NAV2: variants seen among roughly 807,000 people sequenced by gnomAD.
The protein encoded by NAV2 is helicase, APC down-regulated 1.
Under a neutral mutation model 223.2 loss-of-function variants are expected in NAV2, and 54 were observed. That is an observed-to-expected ratio of 0.24 (90% confidence interval 0.19 to 0.30). The LOEUF is 0.30. NAV2 is among the 10% of genes least tolerant of loss of function. The probability of loss-of-function intolerance (pLI) is 1.00; values close to 1 mark genes in which losing one functional copy is unlikely to be tolerated. For synonymous variants in NAV2, 1,279 were observed against 1,239.3 expected (o/e 1.03, Z -0.67); for missense variants, 2,806 against 3,147.5 (o/e 0.89, Z 2.60).
intron 1 of NAV2, among the ~76,000 whole-genome samples, chr11:19,801,824 G>C (rs928399258): frequency 3.9e-5 from 6 of 152,198 alleles, no homozygotes; most frequent in Non-Finnish European, 8.8e-5. Context: ...GAGGACAATA[G>C]TCTTGAACTC....
intron 1 of NAV2, among the ~76,000 whole-genome samples, chr11:19,495,703 A>C (rs1564985955): frequency 6.6e-6 from 1 of 152,194 alleles, no homozygotes; most frequent in Non-Finnish European, 1.5e-5. Flanking sequence ...ATAAACAAAA[A>C]AATTACATAT....
chr11:19,621,380 G>T (rs984295182), intron 1 of NAV2, among the ~76,000 whole-genome samples: 3 of 152,116 alleles, frequency 2.0e-5, no homozygotes, highest in Admixed American at 6.5e-5. Context: ...GAATCCGTCT[G>T]GTCCTGGACT....
chr11:20,077,513 T>C, intron 22 of NAV2, 39 bp from the exon 23 acceptor site: 1 of 1,514,346 alleles, frequency 6.6e-7, no homozygotes, highest in Non-Finnish European at 9.2e-7. Context: ...ACTCTTGCCT[T>C]GCAAGGTAAT....
intron 1 of NAV2, among the ~76,000 whole-genome samples, chr11:19,554,019 C>CA (rs1056608187): frequency 2.0e-5 from 3 of 152,224 alleles, no homozygotes; most frequent in African/African-American, 7.2e-5. Context: ...GAGAAGGGGA[C>CA]AGAGCATTTC....
intron 1 of NAV2, among the ~76,000 whole-genome samples, chr11:19,367,291 G>A (rs897224902): frequency 6.6e-6 from 1 of 152,158 alleles, no homozygotes; most frequent in African/African-American, 2.4e-5. Context: ...CTTACCCACT[G>A]GGTTGGGAGC....
At chr11:19,568,914 G>A (rs187235067) in intron 1 of NAV2, among the ~76,000 whole-genome samples, 6 of 152,222 alleles carry the variant, frequency 3.9e-5, no homozygotes, top group Admixed American at 6.5e-5. Flanking sequence ...GGTCTCCTAC[G>A]CATCTTCTAT....
At chr11:19,889,577 A>G (rs1363804533) in intron 5 of NAV2, among the ~76,000 whole-genome samples, 1 of 152,202 alleles carries the variant, frequency 6.6e-6, no homozygotes, top group Non-Finnish European at 1.5e-5. Flanking sequence ...ACAGTCCTCA[A>G]GAACTCCTTC....
intron 24 of NAV2, among the ~76,000 whole-genome samples, chr11:20,078,453 C>T (rs1048678965): frequency 6.6e-6 from 1 of 152,174 alleles, no homozygotes; most frequent in Non-Finnish European, 1.5e-5. Flanking sequence ...CCTTATTTGT[C>T]CAAGAAAAGA....
At chr11:20,004,428 C>T (rs940028383) in intron 11 of NAV2, among the ~76,000 whole-genome samples, 4 of 152,098 alleles carry the variant, frequency 2.6e-5, no homozygotes, top group Admixed American at 1.3e-4. Context: ...TCAATACTGG[C>T]GAGGAGCTTA....
intron 1 of NAV2, among the ~76,000 whole-genome samples, chr11:19,605,088 G>A (rs992531621): frequency 6.6e-6 from 1 of 152,142 alleles, no homozygotes; most frequent in Admixed American, 6.5e-5. Flanking sequence ...GCCTCCAGTT[G>A]GTGAATTGCA....
intron 1 of NAV2, among the ~76,000 whole-genome samples, chr11:19,492,956 G>A (rs1487208): frequency 0.32 from 48,225 of 152,054 alleles, 8,528 homozygotes; most frequent in South Asian, 0.4. Context: ...TCTCACCTCA[G>A]CTCCTTAATG....
intron 1 of NAV2, among the ~76,000 whole-genome samples, chr11:19,691,779 G>C (rs1024835351): frequency 1.3e-5 from 2 of 152,146 alleles, no homozygotes; most frequent in Admixed American, 1.3e-4. Context: ...CCTGGAGGAA[G>C]ACAAGGGCAA....
intron 28 of NAV2, 43 bp downstream of exon 28, chr11:20,092,411 C>T: frequency 6.3e-7 from 1 of 1,576,500 alleles, no homozygotes; most frequent in Non-Finnish European, 8.7e-7. Flanking sequence ...GGACCTACAG[C>T]TGGCACCCTG....
At chr11:19,959,329 G>A (rs1413263156) in intron 10 of NAV2, among the ~76,000 whole-genome samples, 6 of 152,152 alleles carry the variant, frequency 3.9e-5, no homozygotes, top group African/African-American at 1.2e-4. Context: ...AACACCCTGC[G>A]TGTCCATAGT....
intron 29 of NAV2, among the ~76,000 whole-genome samples, chr11:20,093,578 A>C (rs2061007525): frequency 6.6e-6 from 1 of 152,186 alleles, no homozygotes; most frequent in Non-Finnish European, 1.5e-5. Context: ...GACCACATGC[A>C]GCCGACCAAG....
intron 6 of NAV2, among the ~76,000 whole-genome samples, chr11:19,913,074 A>G (rs2043456526): frequency 6.6e-6 from 1 of 152,194 alleles, no homozygotes; most frequent in Non-Finnish European, 1.5e-5. Context: ...ACAGCTGCAG[A>G]ATCGCTGGCA....
intron 1 of NAV2, among the ~76,000 whole-genome samples, chr11:19,722,242 A>G (rs548282196): frequency 2.4e-4 from 36 of 152,362 alleles, no homozygotes; most frequent in Middle Eastern, 3.4e-3. Context: ...ATTCAGTTTC[A>G]TTTGGTAATC....
At chr11:19,835,614 G>T (rs187445990) in intron 2 of NAV2, among the ~76,000 whole-genome samples, 2 of 151,790 alleles carry the variant, frequency 1.3e-5, no homozygotes, top group Admixed American at 1.3e-4. Context: ...CATGCTTTCC[G>T]CCATACATGC....
At chr11:19,961,445 C>T (rs1004239545) in intron 10 of NAV2, among the ~76,000 whole-genome samples, 2 of 152,160 alleles carry the variant, frequency 1.3e-5, no homozygotes, top group African/African-American at 4.8e-5. Context: ...CTGAGACAGT[C>T]GGCCCATGTT....
Sources: allele counts gnomAD v4.1 joint callset (sites outside exome capture counted in the v4.1 genomes callset), GRCh38; gene constraint gnomAD v4.1.1; transcripts MANE v1.5; gene names NCBI Gene and HGNC (gene_info 2026-07-23, HGNC 2026-07-21).